YARS1: variants seen among roughly 807,000 people sequenced by gnomAD.
The protein encoded by YARS1 is tyrosine--tRNA ligase, cytoplasmic.
YARS1 carries 36 observed loss-of-function variants against 62.2 expected under a neutral mutation model. The observed-to-expected ratio is 0.58, with a 90% CI of 0.44 to 0.76. YARS1 has a LOEUF of 0.76. Among genes scored for constraint, YARS1 ranks in the 30% least tolerant of loss-of-function variants. The probability of loss-of-function intolerance (pLI) is 0.00; values close to 1 mark genes in which losing one functional copy is unlikely to be tolerated. For synonymous variants in YARS1, 234 were observed against 244.9 expected (o/e 0.96, Z 0.42); for missense variants, 524 against 639.8 (o/e 0.82, Z 1.95).
intron 12 of YARS1, among the ~76,000 whole-genome samples, 176 bp downstream of exon 12, chr1:32,779,206 C>CTTA (rs1652975365): frequency 6.6e-6 from 1 of 152,100 alleles, no homozygotes. Context: ...GGTCCTAAGA[C>CTTA]CCCCATGCTC....
chr1:32,798,528 G>T (rs1031986715), intron 4 of YARS1, among the ~76,000 whole-genome samples: 1 of 152,202 alleles, frequency 6.6e-6, no homozygotes, highest in Non-Finnish European at 1.5e-5. Flanking sequence ...CGGGAAAAAG[G>T]TAAGACTGAA....
chr1:32,801,455 G>A (rs186729940), intron 4 of YARS1, among the ~76,000 whole-genome samples: 2 of 152,166 alleles, frequency 1.3e-5, no homozygotes, highest in African/African-American at 2.4e-5. Context: ...AAATGCTAAC[G>A]ATCATCTGAG....
At chr1:32,779,760 G>A in intron 11 of YARS1, 1 of 628,192 alleles carries the variant, frequency 1.6e-6, no homozygotes, top group Non-Finnish European at 2.8e-6. Flanking sequence ...TTCTAGGGGA[G>A]GAAGTATAAA....
intron 12 of YARS1, among the ~76,000 whole-genome samples, chr1:32,778,740 T>TC (rs1029119624): frequency 1.4e-5 from 2 of 145,826 alleles, no homozygotes; most frequent in African/African-American, 5.1e-5. Flanking sequence ...TCTTTTCTTT[T>TC]TTTTTTTTTT....
chr1:32,780,989 T>C, intron 10 of YARS1, 59 bp downstream of exon 10: 3 of 1,515,858 alleles, frequency 2.0e-6, no homozygotes, highest in Non-Finnish European at 2.8e-6. Context: ...TTCCTCCGGA[T>C]GGAAACAGAC....
At chr1:32,810,548 G>T in intron 3 of YARS1, 43 bp downstream of exon 3, 2 of 1,611,736 alleles carry the variant, frequency 1.2e-6, no homozygotes, top group Non-Finnish European at 1.7e-6. Context: ...TAATTAGCTA[G>T]AAGCACCAGA....
At chr1:32,794,119 G>A (rs1377962252) in intron 5 of YARS1, among the ~76,000 whole-genome samples, 1 of 152,218 alleles carries the variant, frequency 6.6e-6, no homozygotes, top group Non-Finnish European at 1.5e-5. Context: ...GGAGGCCAAG[G>A]TGGGTGGACA....
At chr1:32,813,856 A>G (rs950408942) in intron 1 of YARS1, among the ~76,000 whole-genome samples, 1 of 146,850 alleles carries the variant, frequency 6.8e-6, no homozygotes, top group Non-Finnish European at 1.5e-5. Flanking sequence ...ACTCCCTCCC[A>G]GAAGCATTCT....
rs140232925 is a variant in YARS1, at chr1:32,782,438, C to T, written c.1008G>A (p.Leu336=). ...AGGGATCTGGGTAGGCAGCGCTGGC[C>T]AGTTTTTTCAGGGCAGGGGTATTAA... ...EKFNTPALKK[L]ASAAYPDPSK... The change falls in exon 9 of 13, where the codon CTG becomes CTA. Residue 336 remains leucine (L), a synonymous_variant. Coordinates refer to ENST00000373477, the MANE Select transcript of YARS1 (RefSeq NM_003680.4). 6.7e-5 allele frequency: 108 copies of T among 1,614,044 alleles called. No individual in the cohort carries two copies. In the African/African-American group the frequency reaches 1.0e-3, roughly 15 times the overall value.
chr1:32,811,316 C>T (rs984974638), intron 1 of YARS1: 6 of 528,864 alleles, frequency 1.1e-5, no homozygotes, highest in African/African-American at 1.9e-5. Context: ...TACCCACCCC[C>T]CTTCCTCAAG....
chr1:32,810,200 A>G (rs961541465), intron 3 of YARS1, among the ~76,000 whole-genome samples: 3 of 152,204 alleles, frequency 2.0e-5, no homozygotes, highest in African/African-American at 4.8e-5. Context: ...ATAAAAAGCA[A>G]TAACAATTGT....
At chr1:32,779,320 G>T in intron 12 of YARS1, 62 bp downstream of exon 12, 1 of 1,613,578 alleles carries the variant, frequency 6.2e-7, no homozygotes, top group Middle Eastern at 1.7e-4. Flanking sequence ...TCAGTAACAG[G>T]ACAGTCTGGG....
chr1:32,790,089 G>A (rs1438137933), intron 6 of YARS1, among the ~76,000 whole-genome samples: 17 of 149,902 alleles, frequency 1.1e-4, no homozygotes, highest in Non-Finnish European at 1.8e-4. Flanking sequence ...TCACCATGTT[G>A]GACAGGCTGG....
intron 10 of YARS1, chr1:32,780,804 T>C: frequency 1.8e-6 from 1 of 561,254 alleles, no homozygotes; most frequent in Admixed American, 2.7e-5. Flanking sequence ...ATTTAACAGA[T>C]AAACAAGTTC....
In YARS1 at chr1:32,782,465, CTT is replaced by C; in HGVS notation, c.979_980del (p.Lys327ValfsTer2). 1 of 1,614,090 alleles carries C rather than the reference CTT, an allele frequency of 6.2e-7. No homozygotes were observed. The highest frequency in any genetic ancestry group is 8.5e-7 in the Non-Finnish European group (1 of 1,180,020). On this transcript the variant is annotated frameshift_variant, in exon 9 of 13. Coordinates refer to ENST00000373477, the MANE Select transcript of YARS1 (RefSeq NM_003680.4). LOFTEE classifies it high-confidence loss of function. ...GTTTTTTCAGGGCAGGGGTATTAAA[CTT>C]TTCCCGGATTGGATCCAGCAACTTG... is the stretch of plus-strand genomic sequence containing the variant. Reference protein sequence around the residue: ...LNKLLDPIREKFNTPALKKLA... With the variant: ...LNKLLDPIREXFNTPALKKLA...
chr1:32,800,904 G>T (rs753167365), intron 4 of YARS1, among the ~76,000 whole-genome samples: 2 of 152,000 alleles, frequency 1.3e-5, no homozygotes, highest in Admixed American at 6.6e-5. Flanking sequence ...CTCCTTGCTC[G>T]TACAAATATA....
At chr1:32,783,914 G>A (rs1265576303) in intron 8 of YARS1, among the ~76,000 whole-genome samples, 1 of 152,150 alleles carries the variant, frequency 6.6e-6, no homozygotes, top group Non-Finnish European at 1.5e-5. Flanking sequence ...AGTACAGATA[G>A]GACATATCCA....
At chr1:32,805,602 C>T (rs993504191) in intron 4 of YARS1, among the ~76,000 whole-genome samples, 2 of 152,184 alleles carry the variant, frequency 1.3e-5, no homozygotes, top group African/African-American at 4.8e-5. Context: ...CCGAGCTTTC[C>T]GCCTGCCTCC....
intron 6 of YARS1, among the ~76,000 whole-genome samples, chr1:32,788,715 G>A (rs1455035632): frequency 2.0e-5 from 3 of 151,800 alleles, no homozygotes; most frequent in African/African-American, 7.3e-5. Flanking sequence ...ACAGGCGTGA[G>A]CCACCGCACC....
Sources: gnomAD v4.1 joint callset for allele counts (sites outside exome capture counted in the v4.1 genomes callset) on GRCh38, gnomAD v4.1.1 for gene constraint, MANE v1.5 for transcripts, NCBI Gene and HGNC (gene_info 2026-07-23, HGNC 2026-07-21) for gene names.